XPO6: variants seen among roughly 807,000 people sequenced by gnomAD.
XPO6 encodes exportin 6, also known as exportin-6.
XPO6 carries 3 observed loss-of-function variants against 130.0 expected under a neutral mutation model. That is an observed-to-expected ratio of 0.02 (90% CI 0.01 to 0.06). The LOEUF (loss-of-function observed/expected upper bound fraction) is 0.06. XPO6 is among the 10% of genes least tolerant of loss of function. The probability of loss-of-function intolerance (pLI) is 1.00; values close to 1 mark genes in which losing one functional copy is unlikely to be tolerated. For missense variants in XPO6, 970 were observed against 1,393.0 expected, an observed-to-expected ratio of 0.70 and a Z score of 4.83; for synonymous variants, 524 against 548.9, an observed-to-expected ratio of 0.95 and a Z score of 0.63.
chr16:28,159,331 C>T (rs575908122), intron 6 of XPO6, among the ~76,000 whole-genome samples: 3 of 151,800 alleles, frequency 2.0e-5, no homozygotes, highest in South Asian at 2.1e-4. Flanking sequence ...TTATCCTGTT[C>T]CAAGAAAAAA....
At chr16:28,187,280 T>C (rs181689527) in intron 1 of XPO6, among the ~76,000 whole-genome samples, 92 of 152,312 alleles carry the variant, frequency 6.0e-4, no homozygotes, top group Admixed American at 6.0e-3. Context: ...TTAACCTTCA[T>C]GAATTTTCCT....
chr16:28,135,632 C>T (rs541629515), intron 9 of XPO6, among the ~76,000 whole-genome samples: 2 of 152,074 alleles, frequency 1.3e-5, no homozygotes, highest in East Asian at 1.9e-4. Context: ...TATAGTGACC[C>T]GAGCTTTCTT....
rs372721528 is a variant in XPO6, at chr16:28,117,489, T to C, written c.1860-27A>G. 1,224 of 1,608,038 alleles carry C rather than the reference T, an allele frequency of 7.6e-4. 2 individuals are homozygous for C. The highest frequency in any genetic ancestry group is 1.7e-3 in the Middle Eastern group (10 of 6,040). On this transcript the variant is annotated intron_variant, in intron 14 of 23. Transcript: ENST00000304658. ...TGCAGAAAGAAAAGAAGATGTGATTTTAAAGGTTAAGGTGAAAATATATTA... is the reference window on the plus strand; with the variant it reads ...TGCAGAAAGAAAAGAAGATGTGATTCTAAAGGTTAAGGTGAAAATATATTA...
At chr16:28,208,869 C>T (rs2044077601) in intron 1 of XPO6, 1 of 152,178 alleles carries the variant, frequency 6.6e-6, no homozygotes, top group Non-Finnish European at 1.5e-5. Context: ...TGAAAATTCA[C>T]TTGTAAGATT....
At chr16:28,199,076 G>A (rs1366931701) in intron 1 of XPO6, among the ~76,000 whole-genome samples, 2 of 152,142 alleles carry the variant, frequency 1.3e-5, no homozygotes, top group East Asian at 3.9e-4. Context: ...GAAGGTGGAG[G>A]TTGCAGTGAG....
chr16:28,177,273 G>A lies in XPO6; in HGVS notation c.154C>T (p.Leu52Phe). 6.2e-7 allele frequency: 1 copy of A among 1,613,082 alleles called. No individual in the cohort carries two copies. Among genetic ancestry groups the A allele is most frequent in the Non-Finnish European group, 8.5e-7 (1 of 1,179,672 alleles). Reference protein sequence around the residue: ...IGAWRFCLYFLSSTRNDYVMM... With the variant: ...IGAWRFCLYFFSSTRNDYVMM... ...ACATAGTCATTCCTAGTGCTGGAGA[G>A]AAAGTACAGGCAGAATCTCCAGGCT... Residue 52 changes from leucine (L) to phenylalanine (F), a missense_variant, in exon 3 of 24, where the codon CTC becomes TTC. Physicochemically the swap from Leu to Phe is conservative, Grantham distance 22. This residue lies in a region of XPO6 where 13 missense variants were observed against 32.0 expected (regional missense o/e 0.41). Coordinates refer to ENST00000304658, the MANE Select transcript of XPO6 (RefSeq NM_015171.4).
intron 6 of XPO6, among the ~76,000 whole-genome samples, chr16:28,163,436 T>C (rs2043308572): frequency 1.3e-5 from 2 of 152,392 alleles, no homozygotes; most frequent in Non-Finnish European, 1.5e-5. Context: ...CCCTTAATTT[T>C]ACTGCAGAGC....
intron 1 of XPO6, among the ~76,000 whole-genome samples, chr16:28,205,500 T>C (rs112133917): frequency 3.8e-4 from 58 of 152,310 alleles, no homozygotes; most frequent in African/African-American, 1.3e-3. Context: ...TCAGTACCTA[T>C]GCAATCTTTG....
At chr16:28,201,054 A>G (rs553069100) in intron 1 of XPO6, among the ~76,000 whole-genome samples, 2 of 149,248 alleles carry the variant, frequency 1.3e-5, no homozygotes, top group Non-Finnish European at 3.0e-5. Flanking sequence ...ACCCACTCCC[A>G]CTCCTCATTG....
chr16:28,179,700 C>T (rs2043586290), intron 2 of XPO6, among the ~76,000 whole-genome samples: 1 of 152,200 alleles, frequency 6.6e-6, no homozygotes, highest in African/African-American at 2.4e-5. Flanking sequence ...CTTTCTCTGA[C>T]CAAACTAGGA....
chr16:28,101,719 C>T lies in XPO6; in HGVS notation c.3046-31G>A, dbSNP rs1335884984. 6.3e-7 allele frequency: 1 copy of T among 1,593,574 alleles called. No individual in the cohort carries two copies. The highest frequency in any genetic ancestry group is 1.7e-5 in the Admixed American group (1 of 58,946). Reference sequence around the variant, plus strand: ...GGCAGAGAGACCAGGTGAGCAGCAGCCAGCCCCCAGGGGCCTGTCCCGGGT... The same window carrying T: ...GGCAGAGAGACCAGGTGAGCAGCAGTCAGCCCCCAGGGGCCTGTCCCGGGT... On this transcript the variant is annotated intron_variant, in intron 22 of 23. Transcript: ENST00000304658. The surrounding 1 kb of genome is among the most constrained non-coding windows in gnomAD (Gnocchi z 5.4).
intron 6 of XPO6, among the ~76,000 whole-genome samples, chr16:28,158,166 C>T (rs969865670): frequency 1.1e-4 from 16 of 152,162 alleles, no homozygotes; most frequent in African/African-American, 3.4e-4. Context: ...GGACACAAAA[C>T]AGTAAGTTCT....
intron 9 of XPO6, among the ~76,000 whole-genome samples, chr16:28,145,213 C>T (rs559835226): frequency 1.3e-3 from 191 of 152,256 alleles, no homozygotes; most frequent in Admixed American, 2.6e-3. Context: ...TTCATGACTG[C>T]CTGCTCACTG....
chr16:28,186,243 G>A (rs1393290221), intron 1 of XPO6, among the ~76,000 whole-genome samples: 5 of 151,868 alleles, frequency 3.3e-5, no homozygotes, highest in Non-Finnish European at 5.9e-5. Flanking sequence ...TTTCTACGGA[G>A]CCCTAATCAT....
intron 14 of XPO6, among the ~76,000 whole-genome samples, chr16:28,118,995 T>C (rs2087151697): frequency 6.6e-6 from 1 of 152,180 alleles, no homozygotes; most frequent in African/African-American, 2.4e-5. Flanking sequence ...AGAATTAGGA[T>C]ATAGGCAGGT....
At chr16:28,123,198 G>A (rs2087289594) in intron 13 of XPO6, among the ~76,000 whole-genome samples, 1 of 152,076 alleles carries the variant, frequency 6.6e-6, no homozygotes, top group Non-Finnish European at 1.5e-5. Context: ...GACTTCTGGG[G>A]CTCAAGTGAT....
In XPO6 at chr16:28,167,280, C is replaced by T. The variant is rs964043253; in HGVS notation, c.566-695G>A. Reference sequence around the variant, plus strand: ...TCCTGGACAATGCTACGTGCATATCCCAAACTCAACTTTTCGTTCCCCACA... The same window carrying T: ...TCCTGGACAATGCTACGTGCATATCTCAAACTCAACTTTTCGTTCCCCACA... On this transcript the variant is annotated intron_variant, in intron 5 of 23. Coordinates refer to ENST00000304658, the MANE Select transcript of XPO6 (RefSeq NM_015171.4). The T allele has an allele frequency of 5.1e-6, 5 of 985,290 alleles. No individual in the cohort carries two copies. In the African/African-American group the frequency reaches 7.0e-5, roughly 14 times the overall value. 61.0% of individuals were successfully genotyped at this position (985,290 alleles called of 1,614,324 possible).
chr16:28,111,741 G>T, intron 17 of XPO6, 76 bp downstream of exon 17: 1 of 1,544,106 alleles, frequency 6.5e-7, no homozygotes, highest in Non-Finnish European at 8.8e-7. Flanking sequence ...GAGCCTCCGG[G>T]GCAAATCTCA....
chr16:28,125,162 G>T (rs1365480814), intron 13 of XPO6, among the ~76,000 whole-genome samples: 8 of 152,202 alleles, frequency 5.3e-5, no homozygotes, highest in Non-Finnish European at 1.0e-4. Flanking sequence ...TTCGGGCCAG[G>T]CGTGGAGGCT....
Sources: gnomAD v4.1 joint callset for allele counts (sites outside exome capture counted in the v4.1 genomes callset) on GRCh38, gnomAD v4.1.1 for gene constraint, gnomAD v4.1.1 regional missense constraint, Gnocchi (gnomAD v3.1) non-coding constraint, MANE v1.5 for transcripts, NCBI Gene and HGNC (gene_info 2026-07-23, HGNC 2026-07-21) for gene names.